The following CCDC88C variants were observed in gnomAD, a reference collection of about 807,000 sequenced individuals.
CCDC88C encodes coiled-coil and HOOK domain protein 88C.
Under a neutral mutation model 198.8 loss-of-function variants are expected in CCDC88C, and 131 were observed. That is an observed-to-expected ratio of 0.66 (90% CI 0.57 to 0.76). The LOEUF (loss-of-function observed/expected upper bound fraction) is 0.76, where lower values mean the gene tolerates loss of function less well. Ranked by LOEUF, CCDC88C falls within the 30% of genes least tolerant of loss-of-function variation. The probability of loss-of-function intolerance (pLI) is 0.00; values close to 1 mark genes in which losing one functional copy is unlikely to be tolerated. For missense variants in CCDC88C, 2,553 were observed against 2,631.6 expected (o/e 0.97, Z 0.65); for synonymous variants, 1,166 against 1,114.7 (o/e 1.05, Z -0.92).
rs1890314743 is a variant in CCDC88C, at chr14:91,284,314, C to T, written c.4442-797G>A. Among the ~76,000 whole-genome samples, 1 of 152,172 alleles carries T rather than the reference C, an allele frequency of 6.6e-6. No individual in the cohort carries two copies. The highest frequency in any genetic ancestry group is 1.5e-5 in the Non-Finnish European group (1 of 68,028). ...TCACTGTTGCAGTTCGGCTTCTCCACCCATCAAGCCGTCTGCCCTCCCAGC... is the reference window on the plus strand; with the variant it reads ...TCACTGTTGCAGTTCGGCTTCTCCATCCATCAAGCCGTCTGCCCTCCCAGC... On this transcript the variant is annotated intron_variant, in intron 25 of 29. Coordinates refer to ENST00000389857, the MANE Select transcript of CCDC88C (RefSeq NM_001080414.4). This position sits in a 1 kb window ranked among gnomAD's most constrained non-coding sequence, Gnocchi z 4.1.
rs1470546817 is a variant in CCDC88C, at chr14:91,281,133, G to C, written c.4699+324C>G. The C allele has an allele frequency of 5.9e-6, 3 of 506,164 alleles. No individual in the cohort carries two copies. In the East Asian group the frequency reaches 1.6e-4, roughly 28 times the overall value. The allele number at this position is 506,164 out of a possible 1,614,324, so 31.4% of individuals were successfully genotyped here. A position where few individuals can be genotyped will look rare whatever the true frequency, so the allele number is the denominator to read the frequency against. On this transcript the variant is annotated intron_variant, in intron 27 of 29. Transcript: ENST00000389857. ...AACTGCAGCCAAGTGAGGACAGCAA[G>C]GGACCTTCTTGAAATGAACGCTCCC...
At position 91,332,130 on chromosome 14, in the gene CCDC88C, C is replaced by T. The variant is rs191694883; in HGVS notation, c.1050+5875G>A. Among the ~76,000 whole-genome samples, 7 of 152,318 alleles carry T rather than the reference C, an allele frequency of 4.6e-5. No homozygotes were observed. In the East Asian group the frequency reaches 1.2e-3, roughly 25 times the overall value. On this transcript the variant is annotated intron_variant, in intron 10 of 29. Transcript: ENST00000389857. ...CACAGGAGCAGAGAGAGGCCACATC[C>T]ACTCCGCTCAGGATGCACACAGCAT...
At chr14:91,344,939 G>A (rs1406705052) in intron 4 of CCDC88C, among the ~76,000 whole-genome samples, 1 of 151,388 alleles carries the variant, frequency 6.6e-6, no homozygotes, top group East Asian at 1.9e-4. Flanking sequence ...TAGACTACAG[G>A]TGCGCATCAC....
chr14:91,341,865 G>A (rs1318622649), intron 6 of CCDC88C, among the ~76,000 whole-genome samples: 1 of 152,206 alleles, frequency 6.6e-6, no homozygotes, highest in Admixed American at 6.5e-5. Context: ...CCCTCGCTGG[G>A]GGGCCTGAGT....
chr14:91,328,559 A>G (rs1454097106), intron 10 of CCDC88C, among the ~76,000 whole-genome samples: 1 of 152,192 alleles, frequency 6.6e-6, no homozygotes, highest in Non-Finnish European at 1.5e-5. Flanking sequence ...GTCACAGCCC[A>G]GGACTGAGGG....
chr14:91,416,590 A>C, intron 2 of CCDC88C, 148 bp downstream of exon 2: 1 of 675,632 alleles, frequency 1.5e-6, no homozygotes, highest in African/African-American at 1.8e-5. Context: ...TCCAACAGGC[A>C]CGTTAATACT....
rs58941451 is a variant in CCDC88C at position 91,345,190 on chromosome 14, A to ATTT, written c.341-1536_341-1534dup. Among the ~76,000 whole-genome samples, 114 of 52,204 alleles carry ATTT rather than the reference A, an allele frequency of 2.2e-3. 1 individual carries two copies. Among genetic ancestry groups the ATTT allele is most frequent in the African/African-American group, 4.6e-3 (59 of 12,734 alleles). 34.2% of individuals were successfully genotyped at this position (52,204 alleles called of 152,430 possible). On this transcript the variant is annotated intron_variant, in intron 4 of 29. Coordinates refer to ENST00000389857, the MANE Select transcript of CCDC88C (RefSeq NM_001080414.4). Reference sequence around the variant, plus strand: ...TTTATATATATATATATATATATATATTTTTTTTTTTTTTTTTTTTGAGAC... The same window carrying ATTT: ...TTTATATATATATATATATATATATATTTTTTTTTTTTTTTTTTTTTTTGAGAC...
In CCDC88C at chr14:91,340,825, G is replaced by A. The variant is rs536525253; in HGVS notation, c.484-801C>T. Among the ~76,000 whole-genome samples, 15 of 152,176 alleles carry A rather than the reference G, an allele frequency of 9.9e-5. No individual in the cohort carries two copies. The South Asian group carries it at 3.1e-3, about 32-fold the overall frequency. The stretch of plus-strand genomic sequence containing the variant: ...AAACTCAGCTTGAGCAACCTAGTAA[G>A]ACCCCATCTCTACAAAAAATTTAAA... On this transcript the variant is annotated intron_variant, in intron 6 of 29. Transcript: ENST00000389857.
chr14:91,299,803 A>G, intron 21 of CCDC88C, 124 bp downstream of exon 21: 1 of 1,288,250 alleles, frequency 7.8e-7, no homozygotes, highest in East Asian at 2.6e-5. Flanking sequence ...CCAGCTGTTC[A>G]CACAGCAAGG....
intron 29 of CCDC88C, among the ~76,000 whole-genome samples, chr14:91,275,556 C>T (rs550340879): frequency 2.0e-5 from 3 of 151,896 alleles, no homozygotes; most frequent in African/African-American, 7.2e-5. Context: ...CGGTTCACTG[C>T]AACCTGAGCC....
At chr14:91,337,029 ACTCAG>A (rs1435886330) in intron 10 of CCDC88C, among the ~76,000 whole-genome samples, 1 of 152,172 alleles carries the variant, frequency 6.6e-6, no homozygotes, top group Admixed American at 6.5e-5. Flanking sequence ...TTCTGATTTC[ACTCAG>A]CTCACGTTTT....
At chr14:91,393,454 G>A (rs901010628) in intron 3 of CCDC88C, among the ~76,000 whole-genome samples, 5 of 152,228 alleles carry the variant, frequency 3.3e-5, no homozygotes, top group African/African-American at 7.2e-5. Context: ...AGACAGAAGC[G>A]CCCTCCCAGA....
At chr14:91,384,424 T>C (rs923678495) in intron 3 of CCDC88C, 2 of 520,444 alleles carry the variant, frequency 3.8e-6, no homozygotes, top group Non-Finnish European at 7.8e-6. Flanking sequence ...CCTGCTTCAC[T>C]GCTGCTTGCA....
chr14:91,308,228 C>A (rs571711128), intron 17 of CCDC88C, 123 bp downstream of exon 17: 55 of 1,124,602 alleles, frequency 4.9e-5, no homozygotes, highest in Non-Finnish European at 6.3e-5. Flanking sequence ...CACTCTGTGG[C>A]GCATCTACCC....
chr14:91,375,895 C>T (rs1222410056), intron 3 of CCDC88C, among the ~76,000 whole-genome samples: 2 of 152,238 alleles, frequency 1.3e-5, no homozygotes, highest in Admixed American at 6.5e-5. Flanking sequence ...CGTAACTGTG[C>T]CCATTTTACA....
At position 91,338,198 on chromosome 14, in the gene CCDC88C, A is replaced by G; in HGVS notation, c.892-35T>C. ...GGACAAAGGCAGGAGAACCTAGCTT[A>G]GGGCATCCTCTAGGAAGGGCAGAAA... On this transcript the variant is annotated intron_variant, in intron 9 of 29. Transcript: ENST00000389857. This position sits in a 1 kb window ranked among gnomAD's most constrained non-coding sequence, Gnocchi z 4.8. 1.2e-6 allele frequency: 2 copies of G among 1,608,426 alleles called. No individual in the cohort carries two copies. The highest frequency in any genetic ancestry group is 1.7e-5 in the Admixed American group (1 of 59,926).
rs1339368622 is a variant in CCDC88C, at chr14:91,291,092, T to C, written c.4113-8A>G. 2.7e-6 allele frequency: 4 copies of C among 1,463,136 alleles called. No individual in the cohort carries two copies. The highest frequency in any genetic ancestry group is 3.8e-6 in the Non-Finnish European group (4 of 1,058,348). 90.6% of individuals were successfully genotyped at this position (1,463,136 alleles called of 1,614,324 possible). ...AAGGCATTTAATTTGTCTCTGTGAA[T>C]ATAGGAGAAAGAAAACCTATCAATC... On this transcript the variant is annotated splice_region_variant and splice_polypyrimidine_tract_variant and intron_variant, in intron 23 of 29. Transcript: ENST00000389857.
rs143701072 is a variant in CCDC88C at position 91,359,374 on chromosome 14, T to C, written c.340+268A>G. Among the ~76,000 whole-genome samples, 465 of 152,204 alleles carry C rather than the reference T, an allele frequency of 3.1e-3. 3 individuals carry two copies. The highest frequency in any genetic ancestry group is 0.011 in the African/African-American group (439 of 41,506). On this transcript the variant is annotated intron_variant, in intron 4 of 29. Transcript: ENST00000389857. ...GGATGGTCTCGATCTCCTGACTTCATGATCCGGCCGCCTGGGCCTCCCAAA... is the reference window on the plus strand; with the variant it reads ...GGATGGTCTCGATCTCCTGACTTCACGATCCGGCCGCCTGGGCCTCCCAAA...
intron 3 of CCDC88C, among the ~76,000 whole-genome samples, chr14:91,394,161 GA>G (rs1885696536): frequency 6.6e-6 from 1 of 152,164 alleles, no homozygotes; most frequent in East Asian, 1.9e-4. Context: ...AGACAAAGTT[GA>G]AAACAATCAA....
Sources: allele counts gnomAD v4.1 joint callset (sites outside exome capture counted in the v4.1 genomes callset), GRCh38; gene constraint gnomAD v4.1.1; non-coding constraint Gnocchi (gnomAD v3.1); transcripts MANE v1.5; gene names NCBI Gene and HGNC (gene_info 2026-07-23, HGNC 2026-07-21).